BICDL2: variants seen among roughly 807,000 people sequenced by gnomAD.
BICDL2 encodes the protein BICD family-like cargo adapter 2.
In BICDL2, 62 loss-of-function variants were observed where a neutral mutation model predicts 56.6. The observed-to-expected ratio is 1.10, with a 90% confidence interval of 0.89 to 1.35. The LOEUF (loss-of-function observed/expected upper bound fraction) is 1.35. Among genes scored for constraint, BICDL2 ranks in the 40% most tolerant of loss-of-function variants. The probability of loss-of-function intolerance (pLI) is 0.00; values close to 1 mark genes in which losing one functional copy is unlikely to be tolerated. For synonymous variants in BICDL2, 358 were observed against 319.8 expected, an observed-to-expected ratio of 1.12 and a Z score of -1.27; for missense variants, 808 against 684.5, an observed-to-expected ratio of 1.18 and a Z score of -2.01.
intron 5 of BICDL2, 77 bp downstream of exon 5, chr16:3,030,372 C>T (rs745846092): frequency 3.8e-5 from 57 of 1,516,030 alleles, no homozygotes; most frequent in East Asian, 1.2e-4. Context: ...GATCCAGCTC[C>T]GGCCTCATCT....
At chr16:3,035,706 C>A in intron 1 of BICDL2, 180 bp from the exon 2 acceptor site, 2 of 593,508 alleles carry the variant, frequency 3.4e-6, no homozygotes, top group Non-Finnish European at 5.9e-6. Flanking sequence ...CTGGGGTAAA[C>A]TGAGGCAGGA....
rs747893032 is a variant in BICDL2 at position 3,029,316 on chromosome 16, C to T, written c.1071G>A (p.Glu357=). The change falls in exon 7 of 10, where the codon GAG becomes GAA. Residue 357 remains glutamate, a synonymous_variant. Coordinates refer to ENST00000572449, the MANE Select transcript of BICDL2 (RefSeq NM_001369667.1). ...RTSLSPAEIL[E]EKEVEVAKLQ... ...GCTTGGCCACTTCCACCTCCTTCTCCTCCAGTATCTCCGCTGGACTGAGGG... is the reference window on the plus strand; with the variant it reads ...GCTTGGCCACTTCCACCTCCTTCTCTTCCAGTATCTCCGCTGGACTGAGGG... 4 of 1,611,766 alleles carry T rather than the reference C, an allele frequency of 2.5e-6. No homozygotes were observed. The highest frequency in any genetic ancestry group is 2.5e-6 in the Non-Finnish European group (3 of 1,179,420).
chr16:3,034,836 C>G (rs569407928), intron 2 of BICDL2: 45 of 200,448 alleles, frequency 2.2e-4, no homozygotes, highest in Non-Finnish European at 3.7e-4. Context: ...GCCTCGGCCT[C>G]CTGAGTAGCT....
intron 2 of BICDL2, chr16:3,031,386 G>T: frequency 1.7e-6 from 1 of 574,896 alleles, no homozygotes; most frequent in South Asian, 2.3e-5. Context: ...GGTTGGGGTG[G>T]GGGGATCTCT....
At position 3,028,248 on chromosome 16, in the gene BICDL2, T is replaced by A; in HGVS notation, c.1385A>T (p.Gln462Leu). The part of the protein sequence containing the change: ...WQDDMQVVIG[Q>L]QLRSQRQKEL... ...CTTCTGGCGCTGTGAGCGCAGCTGC[T>A]GCCCGATCACCACCTGCATGTCGTC... The change falls in exon 10 of 10, where the codon CAG becomes CTG. Residue 462 changes from glutamine (Q) to leucine (L), a missense_variant. Transcript: ENST00000572449. 1 of 1,477,142 alleles carries A rather than the reference T, an allele frequency of 6.8e-7. No homozygotes were observed. Among genetic ancestry groups the A allele is most frequent in the East Asian group, 2.6e-5 (1 of 39,004 alleles). 91.5% of individuals were successfully genotyped at this position (1,477,142 alleles called of 1,614,324 possible).
At chr16:3,035,110 A>C in intron 2 of BICDL2, 105 bp downstream of exon 2, 3 of 1,165,494 alleles carry the variant, frequency 2.6e-6, no homozygotes, top group Non-Finnish European at 2.4e-6. Flanking sequence ...TGTCCTCCCC[A>C]GCTCCTCTCT....
In BICDL2 at chr16:3,029,735, T is replaced by C; in HGVS notation, c.767A>G (p.Glu256Gly). 1 of 1,522,132 alleles carries C rather than the reference T, an allele frequency of 6.6e-7. No homozygotes were observed. The highest frequency in any genetic ancestry group is 8.7e-7 in the Non-Finnish European group (1 of 1,143,020). The allele number at this position is 1,522,132 out of a possible 1,614,324, so 94.3% of individuals were successfully genotyped here. The change falls in exon 6 of 10, where the codon GAA (glutamate) becomes GGA (glycine). Residue 256 changes from glutamate (E) to glycine (G), a missense_variant. Physicochemically the swap from Glu to Gly is moderately conservative, Grantham distance 98. Coordinates refer to ENST00000572449, the MANE Select transcript of BICDL2 (RefSeq NM_001369667.1). ...RERREHSLEL[E>G]RARSEAGEAL... ...CTCCCCAGCCTCTGACCGTGCGCGT[T>C]CCAGCTGTGGACGGTCCCGCAGACG...
At position 3,028,260 on chromosome 16, in the gene BICDL2, A is replaced by G. The variant is rs1955579054; in HGVS notation, c.1373T>C (p.Val458Ala). 1 of 1,484,626 alleles carries G rather than the reference A, an allele frequency of 6.7e-7. No individual in the cohort carries two copies. The highest frequency in any genetic ancestry group is 1.5e-5 in the African/African-American group (1 of 68,276). The allele number at this position is 1,484,626 out of a possible 1,614,324, so 92.0% of individuals were successfully genotyped here. ...TGAGCGCAGCTGCTGCCCGATCACC[A>G]CCTGCATGTCGTCCTGCGGGAGGCC... Reference protein sequence around the residue: ...ELEAWQDDMQVVIGQQLRSQR... With the variant: ...ELEAWQDDMQAVIGQQLRSQR... The change falls in exon 10 of 10, where the codon GTG becomes GCG. Residue 458 changes from valine to alanine, a missense_variant. Val to Ala is a moderately conservative substitution (Grantham distance 64). Coordinates refer to ENST00000572449, the MANE Select transcript of BICDL2 (RefSeq NM_001369667.1).
At chr16:3,034,403 C>G (rs1955698997) in intron 2 of BICDL2, among the ~76,000 whole-genome samples, 1 of 152,162 alleles carries the variant, frequency 6.6e-6, no homozygotes, top group Non-Finnish European at 1.5e-5. Context: ...CTCAGTCTCC[C>G]AATTAGCTGG....
rs372816118 is a variant in BICDL2 at position 3,028,217 on chromosome 16, C to G, written c.1416G>C (p.Leu472=). The G allele has an allele frequency of 2.7e-6, 4 of 1,472,750 alleles. No homozygotes were observed. The African/African-American group carries it at 5.9e-5, about 22-fold the overall frequency. 91.2% of individuals were successfully genotyped at this position (1,472,750 alleles called of 1,614,324 possible). A position where few individuals can be genotyped will look rare whatever the true frequency, so the allele number is the denominator to read the frequency against. ...QQLRSQRQKE[L]SASASSSTPR... ...GGGTCGACGACGACGCGGAGGCGCT[C>G]AGCTCCTTCTGGCGCTGTGAGCGCA... Residue 472 remains leucine, a synonymous_variant, in exon 10 of 10, where the codon CTG becomes CTC. Transcript: ENST00000572449.
At chr16:3,034,683 TC>T in intron 2 of BICDL2, among the ~76,000 whole-genome samples, 1 of 140,156 alleles carries the variant, frequency 7.1e-6, no homozygotes, top group African/African-American at 2.7e-5. Context: ...CTTCCTTCCT[TC>T]CTTCCTTCCC....
intron 2 of BICDL2, chr16:3,032,687 A>G (rs972034654): frequency 1.3e-5 from 2 of 152,278 alleles, no homozygotes; most frequent in Admixed American, 6.5e-5. Context: ...AAGAGCCACC[A>G]GAAAGAAGGC....
Position 3,030,812 on chromosome 16 carries a change from C to A in BICDL2, c.499G>T (p.Ala167Ser). Reference protein sequence around the residue: ...NLRLSQQLAQASQTEQELQRE... With the variant: ...NLRLSQQLAQSSQTEQELQRE... Reference sequence around the variant, plus strand: ...TGAAGTTCCTGCTCAGTCTGGGAGGCCTGGGGAGGTGGAAAGAGGGACAGA... The same window carrying A: ...TGAAGTTCCTGCTCAGTCTGGGAGGACTGGGGAGGTGGAAAGAGGGACAGA... Residue 167 changes from alanine to serine, a missense_variant and splice_region_variant, in exon 4 of 10, where the codon GCC becomes TCC. Coordinates refer to ENST00000572449, the MANE Select transcript of BICDL2 (RefSeq NM_001369667.1). The A allele has an allele frequency of 6.2e-7, 1 of 1,605,642 alleles. No homozygotes were observed. Among genetic ancestry groups the A allele is most frequent in the South Asian group, 1.1e-5 (1 of 89,974 alleles).
At chr16:3,033,557 G>C (rs896464134) in intron 2 of BICDL2, among the ~76,000 whole-genome samples, 1 of 152,202 alleles carries the variant, frequency 6.6e-6, no homozygotes, top group Non-Finnish European at 1.5e-5. Context: ...GAGGCAGGCA[G>C]TTTGGTTGAG....
intron 1 of BICDL2, chr16:3,036,226 CCA>C (rs955028307): frequency 1.3e-5 from 6 of 453,880 alleles, no homozygotes; most frequent in African/African-American, 1.0e-4. Flanking sequence ...CCTCAGCCCC[CCA>C]GTTTCCCAGG....
intron 2 of BICDL2, 22 bp downstream of exon 2, chr16:3,035,193 A>T (rs750413200): frequency 4.2e-5 from 3 of 71,020 alleles, no homozygotes; most frequent in East Asian, 3.7e-4. Flanking sequence ...CCACCCACCC[A>T]CCCCGTCCAG....
intron 2 of BICDL2, chr16:3,031,700 G>A (rs368860303): frequency 2.5e-6 from 1 of 400,222 alleles, no homozygotes; most frequent in Non-Finnish European, 4.4e-6. Context: ...GTTAACCTCT[G>A]GCCCACTCTC....
Position 3,035,447 on chromosome 16 carries a change from C to T in BICDL2, c.50G>A (p.Gly17Asp). The T allele has an allele frequency of 1.9e-6, 3 of 1,612,102 alleles. No homozygotes were observed. The highest frequency in any genetic ancestry group is 1.3e-5 in the African/African-American group (1 of 75,000). The change falls in exon 2 of 10, where the codon GGC (glycine) becomes GAC (aspartate). Residue 17 changes from glycine (G) to aspartate (D), a missense_variant. Physicochemically the swap from Gly to Asp is moderately conservative, Grantham distance 94. Transcript: ENST00000572449. The part of the protein sequence containing the change: ...PSFPSGPLSG[G>D]ASPSGDEGFF... The stretch of plus-strand genomic sequence containing the variant: ...GCCCTCGTCGCCGCTGGGAGAGGCG[C>T]CCCCTGAGAGCGGCCCGGACGGGAA...
intron 5 of BICDL2, 83 bp from the exon 6 acceptor site, chr16:3,029,822 G>C: frequency 8.0e-7 from 1 of 1,251,538 alleles, no homozygotes; most frequent in Non-Finnish European, 1.1e-6. Flanking sequence ...TCCACACGGG[G>C]GTGCCGCGGA....
Sources: gnomAD v4.1 joint callset for allele counts (sites outside exome capture counted in the v4.1 genomes callset) on GRCh38, gnomAD v4.1.1 for gene constraint, MANE v1.5 for transcripts, NCBI Gene and HGNC (gene_info 2026-07-23, HGNC 2026-07-21) for gene names.